Variants in ESRRB observed in about 807,000 individuals in gnomAD.
The protein encoded by ESRRB is estrogen related receptor beta, also known as steroid hormone receptor ERR2.
A neutral mutation model predicts 46.0 loss-of-function variants in ESRRB; 16 were observed. The observed-to-expected ratio is 0.35, with a 90% CI of 0.24 to 0.53. The LOEUF is 0.53. ESRRB is among the 20% of genes least tolerant of loss of function. The pLI, the probability that ESRRB is intolerant of heterozygous loss-of-function variation, is 0.93. For synonymous variants in ESRRB, 246 were observed against 259.6 expected (o/e 0.95, Z 0.50); for missense variants, 488 against 607.4 (o/e 0.80, Z 2.07).
intron 3 of ESRRB, among the ~76,000 whole-genome samples, chr14:76,468,086 C>T (rs1889198835): frequency 6.6e-6 from 1 of 152,142 alleles, no homozygotes; most frequent in Non-Finnish European, 1.5e-5. Flanking sequence ...GTGGCCAGCT[C>T]ATGTCAGGAA....
intron 1 of ESRRB, among the ~76,000 whole-genome samples, chr14:76,395,562 C>T (rs1470508716): frequency 6.6e-6 from 1 of 152,102 alleles, no homozygotes; most frequent in African/African-American, 2.4e-5. Context: ...AGTCACCTAA[C>T]CTCCCTGTGC....
Position 76,333,082 on chromosome 14 carries a change from ATT to A in ESRRB, c.2+22168_2+22169del, listed in dbSNP as rs1271956125. Among the ~76,000 whole-genome samples, 19 of 4,168 alleles carry A rather than the reference ATT, an allele frequency of 4.6e-3. 4 individuals carry two copies. The highest frequency in any genetic ancestry group is 6.0e-3 in the African/African-American group (8 of 1,334). The allele number at this position is 4,168 out of a possible 152,430, so 2.7% of individuals were successfully genotyped here. A position where few individuals can be genotyped will look rare whatever the true frequency, so the allele number is the denominator to read the frequency against. Reference sequence around the variant, plus strand: ...TTATATATTATATATTATATATATTATTTATATTATATATTATATATAATATA... The same window carrying A: ...TTATATATTATATATTATATATATTATATATTATATATTATATATAATATA... On this transcript the variant is annotated intron_variant, in intron 1 of 6. Transcript: ENST00000512784.
chr14:76,347,438 A>AGACCATGTGTGTCTAATT (rs879285347), intron 1 of ESRRB, among the ~76,000 whole-genome samples: 1,915 of 52,828 alleles, frequency 0.036, 461 homozygotes, highest in East Asian at 0.22. Flanking sequence ...TGTGTGTCAC[A>AGACCATGTGTGTCTAATT]CACACACACC....
intron 1 of ESRRB, among the ~76,000 whole-genome samples, chr14:76,404,931 T>C (rs923059549): frequency 1.3e-5 from 2 of 152,110 alleles, no homozygotes; most frequent in African/African-American, 4.8e-5. Flanking sequence ...AGGAAGCCCC[T>C]CAGAAGGGGA....
At position 76,491,515 on chromosome 14, in the gene ESRRB, C is replaced by A; in HGVS notation, c.919C>A (p.Leu307Met). 6.2e-7 allele frequency: 1 copy of A among 1,602,416 alleles called. No homozygotes were observed. The highest frequency in any genetic ancestry group is 2.2e-5 in the East Asian group (1 of 44,492). ...GAGTGCCTGGATGGAAATCCTCATC[C>A]TGGGCATCGTGTACCGCTCGCTGCC... The part of the protein sequence containing the change: ...LQSAWMEILI[L>M]GIVYRSLPYD... Residue 307 changes from leucine to methionine, a missense_variant, in exon 6 of 7, where the codon CTG (leucine) becomes ATG (methionine). Transcript: ENST00000644823.
At chr14:76,324,963 C>CTT (rs34780208) in intron 1 of ESRRB, among the ~76,000 whole-genome samples, 2,267 of 102,162 alleles carry the variant, frequency 0.022, 125 homozygotes, top group African/African-American at 0.079. Flanking sequence ...TTTTCTTTTT[C>CTT]TTTTTTTTTT....
In ESRRB at chr14:76,483,963, C is replaced by T. The variant is rs371741048; in HGVS notation, c.850+1204C>T. ...TCGCCCCCCAGGTTCAAGTGATTCT[C>T]GGGCCTCAGCCTCCCCAGTAGCTGG... is the stretch of plus-strand genomic sequence containing the variant. On this transcript the variant is annotated intron_variant, in intron 5 of 6. Coordinates refer to ENST00000644823, the MANE Select transcript of ESRRB (RefSeq NM_001379180.1). Among the ~76,000 whole-genome samples the T allele has an allele frequency of 2.1e-3, 323 of 152,282 alleles. 2 individuals carry two copies. The highest frequency in any genetic ancestry group is 7.4e-3 in the African/African-American group (309 of 41,548).
Position 76,500,854 on chromosome 14 carries a change from A to G in ESRRB, c.*2396A>G. ...GCGGAAGTCCTGATGGTTGGTGTCC[A>G]TGAGGTGGAAGCTGCTTTTATACTT... On this transcript the variant is annotated 3_prime_UTR_variant, in exon 7 of 7. Coordinates refer to ENST00000644823, the MANE Select transcript of ESRRB (RefSeq NM_001379180.1). 2 of 934,132 alleles carry G rather than the reference A, an allele frequency of 2.1e-6. No homozygotes were observed. The allele number at this position is 934,132 out of a possible 1,614,324, so 57.9% of individuals were successfully genotyped here.
intron 1 of ESRRB, among the ~76,000 whole-genome samples, chr14:76,355,079 G>C (rs1884363638): frequency 6.6e-6 from 1 of 152,144 alleles, no homozygotes; most frequent in Admixed American, 6.5e-5. Flanking sequence ...TTATTCTCTA[G>C]GGTCTCCCCT....
At chr14:76,471,046 T>C (rs553420235) in intron 3 of ESRRB, among the ~76,000 whole-genome samples, 1 of 152,340 alleles carries the variant, frequency 6.6e-6, no homozygotes, top group South Asian at 2.1e-4. Context: ...ATTAAACATG[T>C]CTAGAGAGGA....
intron 1 of ESRRB, among the ~76,000 whole-genome samples, chr14:76,430,139 T>C (rs761914283): frequency 1.3e-5 from 2 of 152,092 alleles, no homozygotes; most frequent in Non-Finnish European, 1.5e-5. Context: ...CCTACCCTCC[T>C]GTTAGGGGCA....
At chr14:76,395,379 T>G (rs1885633728) in intron 1 of ESRRB, among the ~76,000 whole-genome samples, 1 of 152,192 alleles carries the variant, frequency 6.6e-6, no homozygotes, top group South Asian at 2.1e-4. Flanking sequence ...CCCCGGGGGC[T>G]GCAGCGGGGC....
At chr14:76,374,734 CT>C (rs1490730045), upstream of ESRRB, among the ~76,000 whole-genome samples, 1 of 152,120 alleles carries the variant, frequency 6.6e-6, no homozygotes, top group Non-Finnish European at 1.5e-5. Flanking sequence ...AAATCGGGGG[CT>C]GCTGGGGGGC....
chr14:76,439,193 G>C, intron 1 of ESRRB, 148 bp from the exon 2 acceptor site: 1 of 913,006 alleles, frequency 1.1e-6, no homozygotes. Flanking sequence ...CTGCGCCGAG[G>C]GGAGACCAGC....
intron 1 of ESRRB, among the ~76,000 whole-genome samples, chr14:76,385,494 C>T (rs1033107663): frequency 5.3e-5 from 8 of 152,294 alleles, no homozygotes; most frequent in Middle Eastern, 3.4e-3. Flanking sequence ...TTACAGAGAA[C>T]ATTTGGAATC....
At chr14:76,412,983 T>C (rs1332065756) in intron 1 of ESRRB, among the ~76,000 whole-genome samples, 1 of 152,198 alleles carries the variant, frequency 6.6e-6, no homozygotes, top group African/African-American at 2.4e-5. Flanking sequence ...CTAGGGATGG[T>C]GGCTTGTGCC....
chr14:76,439,220 T>C, intron 1 of ESRRB, 121 bp from the exon 2 acceptor site: 1 of 1,143,386 alleles, frequency 8.7e-7, no homozygotes, highest in Non-Finnish European at 1.3e-6. Flanking sequence ...TCTCCACCGT[T>C]GTTTTATCGC....
intron 1 of ESRRB, among the ~76,000 whole-genome samples, chr14:76,352,099 A>G (rs1220522046): frequency 4.0e-5 from 6 of 151,682 alleles, no homozygotes; most frequent in Non-Finnish European, 8.8e-5. Flanking sequence ...TGTTGAATGA[A>G]TGGATAAGTG....
intron 3 of ESRRB, among the ~76,000 whole-genome samples, chr14:76,475,212 C>G (rs1433001351): frequency 2.0e-5 from 3 of 151,274 alleles, no homozygotes; most frequent in South Asian, 2.1e-4. Flanking sequence ...GACCCTGTCT[C>G]TTAAAAAAAA....
Sources: gnomAD v4.1 joint callset for allele counts (sites outside exome capture counted in the v4.1 genomes callset) on GRCh38, gnomAD v4.1.1 for gene constraint, MANE v1.5 for transcripts, NCBI Gene and HGNC (gene_info 2026-07-23, HGNC 2026-07-21) for gene names.